The following PHF14 variants were observed in gnomAD, a reference collection of about 807,000 sequenced individuals.
PHF14 encodes PHD finger protein 14.
PHF14 carries 55 observed loss-of-function variants against 117.9 expected under a neutral mutation model. That is an observed-to-expected ratio of 0.47 (90% CI 0.38 to 0.58). The LOEUF is 0.58. Ranked by LOEUF, PHF14 falls within the 20% of genes least tolerant of loss-of-function variation. PHF14 has a pLI of 0.00. For missense variants in PHF14, 978 were observed against 1,122.2 expected, an observed-to-expected ratio of 0.87 and a Z score of 1.84; for synonymous variants, 409 against 368.6, an observed-to-expected ratio of 1.11 and a Z score of -1.26.
intron 17 of PHF14, among the ~76,000 whole-genome samples, chr7:11,125,563 A>G (rs1245027227): frequency 1.3e-5 from 2 of 152,078 alleles, no homozygotes; most frequent in African/African-American, 4.8e-5. Context: ...CAAAATTATT[A>G]CCTCACCTAT....
intron 2 of PHF14, among the ~76,000 whole-genome samples, chr7:10,976,116 C>A (rs540069751): frequency 1.3e-5 from 2 of 152,282 alleles, no homozygotes; most frequent in South Asian, 4.1e-4. Flanking sequence ...GATTTGACTT[C>A]AGAATTTAGT....
At chr7:11,047,094 A>G (rs2128325327) in intron 13 of PHF14, among the ~76,000 whole-genome samples, 1 of 149,714 alleles carries the variant, frequency 6.7e-6, no homozygotes, top group Admixed American at 6.7e-5. Context: ...TTTGAGATGG[A>G]GTCTCGCTCT....
chr7:11,120,671 C>G (rs1256450316), intron 17 of PHF14, among the ~76,000 whole-genome samples: 5 of 151,904 alleles, frequency 3.3e-5, no homozygotes, highest in Non-Finnish European at 7.4e-5. Flanking sequence ...TCTAAATGTA[C>G]TGTAGTTAGT....
At chr7:11,094,259 A>G (rs796376084) in intron 16 of PHF14, among the ~76,000 whole-genome samples, 8 of 152,338 alleles carry the variant, frequency 5.3e-5, no homozygotes, top group African/African-American at 1.7e-4. Flanking sequence ...AAATTTTTTC[A>G]TAATTTTGGA....
At position 11,111,439 on chromosome 7, in the gene PHF14, G is replaced by A. The variant is rs1787442787; in HGVS notation, c.2744G>A (p.Cys915Tyr). ...SPKQTGYGWI[C>Y]QECDSSSSKE... Reference sequence around the variant, plus strand: ...AAACAGACAGGCTACGGATGGATATGTCAGGAATGTGATTCTTCATCTTCC... The same window carrying A: ...AAACAGACAGGCTACGGATGGATATATCAGGAATGTGATTCTTCATCTTCC... Residue 915 changes from cysteine to tyrosine, a missense_variant, in exon 17 of 18, where the codon TGT becomes TAT. Transcript: ENST00000634607. 2 of 1,596,306 alleles carry A rather than the reference G, an allele frequency of 1.3e-6. No individual in the cohort carries two copies. The highest frequency in any genetic ancestry group is 1.7e-6 in the Non-Finnish European group (2 of 1,166,300).
rs114128892 is a variant in PHF14, at chr7:11,132,256, T to C, written c.2772+20789T>C. ...ATCCTCTGACCTCTACTTGCCCATT[T>C]TCTTCCCACTGATAACCAGGGTTTT... On this transcript the variant is annotated intron_variant, in intron 17 of 17. Transcript: ENST00000634607. Among the ~76,000 whole-genome samples, 1,193 of 151,886 alleles carry C rather than the reference T, an allele frequency of 7.9e-3. 11 individuals carry two copies. Among genetic ancestry groups the C allele is most frequent in the African/African-American group, 0.027 (1,138 of 41,496 alleles).
chr7:11,038,970 G>A (rs1012329909), intron 11 of PHF14, 115 bp downstream of exon 11: 1 of 452,920 alleles, frequency 2.2e-6, no homozygotes, highest in South Asian at 4.9e-5. Flanking sequence ...GTTTGATCAG[G>A]GCCTAATCCT....
chr7:11,084,916 A>AT (rs1305800858), intron 16 of PHF14, among the ~76,000 whole-genome samples: 20 of 150,828 alleles, frequency 1.3e-4, no homozygotes, highest in Admixed American at 4.0e-4. Flanking sequence ...ATCTTTGGAG[A>AT]TTTTTTTTTC....
chr7:11,119,297 G>A (rs1300837082), intron 17 of PHF14, among the ~76,000 whole-genome samples: 1 of 151,666 alleles, frequency 6.6e-6, no homozygotes, highest in Non-Finnish European at 1.5e-5. Flanking sequence ...TTAAGATAAA[G>A]GACATTTTAT....
intron 4 of PHF14, among the ~76,000 whole-genome samples, chr7:11,008,703 G>GT (rs1583359455): frequency 1.3e-5 from 2 of 152,100 alleles, no homozygotes; most frequent in Admixed American, 1.3e-4. Flanking sequence ...TATGCATGTT[G>GT]TAGGTACTGT....
chr7:11,079,480 G>C (rs929295524), intron 16 of PHF14, among the ~76,000 whole-genome samples: 2 of 152,116 alleles, frequency 1.3e-5, no homozygotes, highest in African/African-American at 2.4e-5. Context: ...CAAGTGAAAA[G>C]ATGTTCTGGA....
At chr7:11,111,316 G>A in intron 16 of PHF14, 34 bp from the exon 17 acceptor site, 1 of 1,007,526 alleles carries the variant, frequency 9.9e-7, no homozygotes, top group Non-Finnish European at 1.5e-6. Context: ...ATATTATTTA[G>A]ATACACCTAC....
chr7:10,974,745 C>T (rs554399546), intron 1 of PHF14, 90 bp from the exon 2 acceptor site: 10 of 703,786 alleles, frequency 1.4e-5, no homozygotes, highest in Non-Finnish European at 1.9e-5. Flanking sequence ...ATTCCTTGTG[C>T]GAGGTCATCT....
At chr7:11,055,673 A>C (rs980888128) in intron 14 of PHF14, among the ~76,000 whole-genome samples, 1 of 152,156 alleles carries the variant, frequency 6.6e-6, no homozygotes, top group African/African-American at 2.4e-5. Flanking sequence ...GCCACTAGCC[A>C]GTTCTAAGTG....
intron 16 of PHF14, among the ~76,000 whole-genome samples, chr7:11,074,442 C>T (rs1018244672): frequency 2.0e-5 from 3 of 152,058 alleles, no homozygotes; most frequent in Non-Finnish European, 4.4e-5. Flanking sequence ...GATCTCCTGA[C>T]CTCGTGATCC....
At chr7:11,152,833 T>A (rs1788739120) in intron 17 of PHF14, among the ~76,000 whole-genome samples, 1 of 152,074 alleles carries the variant, frequency 6.6e-6, no homozygotes, top group Admixed American at 6.6e-5. Flanking sequence ...GATACCTGCA[T>A]GACAAGAAAA....
chr7:11,004,183 G>A (rs1479689551), intron 4 of PHF14, among the ~76,000 whole-genome samples: 2 of 148,178 alleles, frequency 1.3e-5, no homozygotes, highest in Non-Finnish European at 3.0e-5. Context: ...GGAGTTCAAG[G>A]CTGCAGTGAA....
At chr7:11,121,910 G>GT (rs980793817) in intron 17 of PHF14, among the ~76,000 whole-genome samples, 13 of 151,130 alleles carry the variant, frequency 8.6e-5, no homozygotes, top group African/African-American at 2.4e-5. Flanking sequence ...GGTTTGTTCC[G>GT]TAGGTATACA....
chr7:11,077,570 C>T (rs916689856), intron 16 of PHF14, among the ~76,000 whole-genome samples: 8 of 141,324 alleles, frequency 5.7e-5, no homozygotes, highest in African/African-American at 2.2e-4. Context: ...CACTGCACTC[C>T]GGCCTGGCAA....
Sources: allele counts gnomAD v4.1 joint callset (sites outside exome capture counted in the v4.1 genomes callset), GRCh38; gene constraint gnomAD v4.1.1; transcripts MANE v1.5; gene names NCBI Gene and HGNC (gene_info 2026-07-23, HGNC 2026-07-21).